Variants in GRM8 observed in about 807,000 individuals in gnomAD.
GRM8 encodes the protein glutamate metabotropic receptor 8.
A neutral mutation model predicts 87.2 loss-of-function variants in GRM8; 47 were observed. That is an observed-to-expected ratio of 0.54 (90% confidence interval 0.43 to 0.69). GRM8 has a LOEUF of 0.69. Ranked by LOEUF, GRM8 falls within the 30% of genes least tolerant of loss-of-function variation. The pLI is 0.00. For synonymous variants in GRM8, 396 were observed against 404.5 expected (o/e 0.98, Z 0.25); for missense variants, 1,019 against 1,139.2 (o/e 0.89, Z 1.52).
Position 126,439,112 on chromosome 7 carries a change from C to T in GRM8, c.*7G>A, listed in dbSNP as rs1401173509. 6.5e-7 allele frequency: 1 copy of T among 1,548,712 alleles called. No homozygotes were observed. ...CACATCTCTTCAGATTGTGCCATTT[C>T]CCTGTTTCAGATTGAATGATTGCTG... On this transcript the variant is annotated 3_prime_UTR_variant, in exon 11 of 11. Transcript: ENST00000339582.
intron 7 of GRM8, among the ~76,000 whole-genome samples, chr7:126,742,903 T>C (rs1815178928): frequency 6.6e-6 from 1 of 152,100 alleles, no homozygotes; most frequent in Non-Finnish European, 1.5e-5. Context: ...CCTTTAGATT[T>C]CAAGTTTTCT....
chr7:126,567,706 A>G (rs1378324877), intron 8 of GRM8, among the ~76,000 whole-genome samples: 3 of 152,124 alleles, frequency 2.0e-5, no homozygotes, highest in Non-Finnish European at 4.4e-5. Flanking sequence ...ATTACTGATA[A>G]GCCTCCGGTT....
intron 1 of GRM8, among the ~76,000 whole-genome samples, chr7:127,245,183 G>C (rs376412241): frequency 2.6e-5 from 4 of 152,120 alleles, no homozygotes; most frequent in Non-Finnish European, 5.9e-5. Context: ...AAATTACACC[G>C]GCCACCCATT....
intron 3 of GRM8, among the ~76,000 whole-genome samples, chr7:126,975,877 A>G (rs1203780127): frequency 6.6e-6 from 1 of 152,208 alleles, no homozygotes; most frequent in East Asian, 1.9e-4. Context: ...AGAAAATTTC[A>G]TTTTAACTCC....
At chr7:126,799,294 C>T (rs1822366083) in intron 6 of GRM8, among the ~76,000 whole-genome samples, 1 of 152,046 alleles carries the variant, frequency 6.6e-6, no homozygotes, top group Admixed American at 6.6e-5. Flanking sequence ...GTGGAAACAC[C>T]TGGTACTAAA....
At chr7:127,058,284 G>A in intron 3 of GRM8, 1 of 372,124 alleles carries the variant, frequency 2.7e-6, no homozygotes, top group South Asian at 2.1e-5. Flanking sequence ...ACTCCTGGTT[G>A]GTAGGCGAGA....
chr7:126,941,345 C>T (rs923936235), intron 3 of GRM8, among the ~76,000 whole-genome samples: 1 of 151,440 alleles, frequency 6.6e-6, no homozygotes, highest in African/African-American at 2.4e-5. Flanking sequence ...CGGTGACTCA[C>T]GGCTGTAATC....
chr7:126,893,078 T>G (rs1171810184), intron 6 of GRM8, among the ~76,000 whole-genome samples: 7 of 152,090 alleles, frequency 4.6e-5, no homozygotes. Flanking sequence ...TACTCCAAGT[T>G]GTCTTTTCAT....
intron 3 of GRM8, among the ~76,000 whole-genome samples, chr7:126,942,317 A>C (rs946867800): frequency 6.6e-6 from 1 of 152,122 alleles, no homozygotes; most frequent in Non-Finnish European, 1.5e-5. Context: ...TTTTTTTTCC[A>C]TTCTGCATGT....
chr7:126,984,952 T>C (rs904015610), intron 3 of GRM8, among the ~76,000 whole-genome samples: 1 of 152,122 alleles, frequency 6.6e-6, no homozygotes, highest in Non-Finnish European at 1.5e-5. Flanking sequence ...TACCTGCATA[T>C]GCCTCATTTT....
intron 3 of GRM8, among the ~76,000 whole-genome samples, chr7:127,032,072 C>A (rs985903155): frequency 1.3e-5 from 2 of 152,146 alleles, no homozygotes; most frequent in African/African-American, 2.4e-5. Flanking sequence ...ATTGGTCTTT[C>A]TTTTCTCCAT....
chr7:126,856,557 A>C (rs368656510), intron 6 of GRM8, among the ~76,000 whole-genome samples: 1 of 152,218 alleles, frequency 6.6e-6, no homozygotes, highest in Non-Finnish European at 1.5e-5. Flanking sequence ...CCTTTATATA[A>C]CTAAGTTTAG....
At chr7:127,121,086 G>A (rs1249410990) in intron 2 of GRM8, among the ~76,000 whole-genome samples, 2 of 152,138 alleles carry the variant, frequency 1.3e-5, no homozygotes, top group African/African-American at 4.8e-5. Flanking sequence ...CCTTGTCATC[G>A]ATACATTTTC....
rs761061854 is a variant in GRM8, at chr7:126,446,288, A to C, written c.2515T>G (p.Tyr839Asp). 6.2e-7 allele frequency: 1 copy of C among 1,611,700 alleles called. No homozygotes were observed. The highest frequency in any genetic ancestry group is 8.5e-7 in the Non-Finnish European group (1 of 1,178,362). ...SLGMLYMPKV[Y>D]IIIFHPEQNV... ...TGTTCTGGATGAAAAATTATAATAT[A>C]AACCTTGGGCATATAGAGCATGCCC... Residue 839 changes from tyrosine (Y) to aspartate (D), a missense_variant, in exon 10 of 11, where the codon TAT (tyrosine) becomes GAT (aspartate). Tyr to Asp is a radical substitution (Grantham distance 160). Coordinates refer to ENST00000339582, the MANE Select transcript of GRM8 (RefSeq NM_000845.3).
At chr7:126,697,633 C>T (rs1809523596) in intron 7 of GRM8, among the ~76,000 whole-genome samples, 1 of 151,962 alleles carries the variant, frequency 6.6e-6, no homozygotes, top group African/African-American at 2.4e-5. Context: ...ATGTTTATAA[C>T]ATTTACTCAC....
intron 3 of GRM8, among the ~76,000 whole-genome samples, chr7:127,075,183 T>C (rs771099673): frequency 2.4e-4 from 36 of 152,132 alleles, no homozygotes; most frequent in Non-Finnish European, 7.4e-5. Flanking sequence ...AGGTGGGAGA[T>C]GGGATGGTGG....
At chr7:126,850,559 T>C (rs1486211513) in intron 6 of GRM8, among the ~76,000 whole-genome samples, 1 of 152,124 alleles carries the variant, frequency 6.6e-6, no homozygotes, top group Non-Finnish European at 1.5e-5. Flanking sequence ...TAGGATTTGG[T>C]TGGATGATTT....
At chr7:127,019,597 G>A (rs1816054402) in intron 3 of GRM8, among the ~76,000 whole-genome samples, 1 of 151,976 alleles carries the variant, frequency 6.6e-6, no homozygotes, top group African/African-American at 2.4e-5. Flanking sequence ...TGCAGGATAT[G>A]TAAAAATCAG....
At chr7:126,740,368 T>C (rs142563328) in intron 7 of GRM8, among the ~76,000 whole-genome samples, 2 of 152,080 alleles carry the variant, frequency 1.3e-5, no homozygotes, top group African/African-American at 2.4e-5. Context: ...TCAAGTCAAA[T>C]TGAATTGGTT....
Sources: allele counts gnomAD v4.1 joint callset (sites outside exome capture counted in the v4.1 genomes callset), GRCh38; gene constraint gnomAD v4.1.1; transcripts MANE v1.5; gene names NCBI Gene and HGNC (gene_info 2026-07-23, HGNC 2026-07-21).